The following WDFY3 variants were observed in gnomAD, a reference collection of about 807,000 sequenced individuals.
WDFY3 encodes the protein WD repeat and FYVE domain containing 3.
In WDFY3, 66 loss-of-function variants were observed where a neutral mutation model predicts 409.6. The observed-to-expected ratio is 0.16, with a 90% CI of 0.13 to 0.20. WDFY3 has a LOEUF of 0.20. Among genes scored for constraint, WDFY3 ranks in the 10% least tolerant of loss-of-function variants. The pLI, the probability that WDFY3 is intolerant of heterozygous loss-of-function variation, is 1.00. For synonymous variants in WDFY3, 1,521 were observed against 1,537.1 expected (o/e 0.99, Z 0.25); for missense variants, 3,031 against 4,298.1 (o/e 0.71, Z 8.24).
chr4:84,960,215 C>CAAGT (rs1774738774), intron 1 of WDFY3, among the ~76,000 whole-genome samples: 1 of 152,098 alleles, frequency 6.6e-6, no homozygotes, highest in Non-Finnish European at 1.5e-5. Flanking sequence ...CTCTGGATAA[C>CAAGT]TGCACATTCT....
intron 27 of WDFY3, among the ~76,000 whole-genome samples, chr4:84,778,159 C>A (rs902574380): frequency 4.6e-5 from 7 of 151,956 alleles, no homozygotes; most frequent in African/African-American, 1.7e-4. Context: ...GCAGCTGTAA[C>A]CAAAATTAGA....
At chr4:84,935,497 T>C (rs1771298668) in intron 1 of WDFY3, among the ~76,000 whole-genome samples, 2 of 152,202 alleles carry the variant, frequency 1.3e-5, no homozygotes, top group Non-Finnish European at 1.5e-5. Flanking sequence ...TATCTCATAT[T>C]TTCTCTCGTA....
At chr4:84,882,336 G>T (rs998854977) in intron 3 of WDFY3, among the ~76,000 whole-genome samples, 1 of 152,106 alleles carries the variant, frequency 6.6e-6, no homozygotes, top group African/African-American at 2.4e-5. Flanking sequence ...AGATGAATCT[G>T]GCGTGAGGTC....
intron 53 of WDFY3, 24 bp downstream of exon 53, chr4:84,708,885 T>G: frequency 6.2e-7 from 1 of 1,609,254 alleles, no homozygotes; most frequent in Non-Finnish European, 8.5e-7. Flanking sequence ...GTGTTCTACG[T>G]AAGCAAAATG....
chr4:84,887,003 G>C (rs1280894687), intron 3 of WDFY3, among the ~76,000 whole-genome samples: 1 of 148,872 alleles, frequency 6.7e-6, no homozygotes, highest in African/African-American at 2.6e-5. Flanking sequence ...CATTAATAAT[G>C]TATAAAACAT....
At chr4:84,921,644 T>TC in intron 2 of WDFY3, among the ~76,000 whole-genome samples, 1 of 145,968 alleles carries the variant, frequency 6.9e-6, no homozygotes, top group Non-Finnish European at 1.5e-5. Flanking sequence ...TCTATTGCTT[T>TC]CATTTTTTTT....
chr4:84,704,217 A>T, intron 55 of WDFY3, 121 bp downstream of exon 55: 1 of 681,586 alleles, frequency 1.5e-6, no homozygotes, highest in Non-Finnish European at 2.3e-6. Context: ...TTATGTAACT[A>T]CTTTGTCACT....
intron 2 of WDFY3, among the ~76,000 whole-genome samples, chr4:84,908,332 A>G (rs1767319753): frequency 6.6e-6 from 1 of 152,234 alleles, no homozygotes; most frequent in African/African-American, 2.4e-5. Flanking sequence ...GTAGAAAGAT[A>G]GAACTTTATG....
At chr4:84,823,192 T>A (rs921630936) in intron 10 of WDFY3, among the ~76,000 whole-genome samples, 1 of 152,160 alleles carries the variant, frequency 6.6e-6, no homozygotes, top group African/African-American at 2.4e-5. Context: ...CTCAGATATA[T>A]GTAGTCATAT....
chr4:84,720,306 A>C (rs1734641594), intron 47 of WDFY3, among the ~76,000 whole-genome samples: 1 of 152,222 alleles, frequency 6.6e-6, no homozygotes, highest in African/African-American at 2.4e-5. Flanking sequence ...AAAGAGTCAA[A>C]AAAAGCTTCC....
intron 51 of WDFY3, among the ~76,000 whole-genome samples, chr4:84,711,859 A>C (rs1387486566): frequency 6.6e-6 from 1 of 152,026 alleles, no homozygotes; most frequent in East Asian, 1.9e-4. Flanking sequence ...TCAAAAAAAA[A>C]AAATAATAAT....
intron 2 of WDFY3, among the ~76,000 whole-genome samples, chr4:84,920,000 T>C (rs941572026): frequency 6.6e-6 from 1 of 152,090 alleles, no homozygotes; most frequent in Non-Finnish European, 1.5e-5. Flanking sequence ...CAGGAATGTA[T>C]AACCTAAAAT....
At chr4:84,807,738 G>C (rs890602083) in intron 15 of WDFY3, among the ~76,000 whole-genome samples, 5 of 152,132 alleles carry the variant, frequency 3.3e-5, no homozygotes, top group Admixed American at 6.5e-5. Context: ...AGATCAACTA[G>C]ATCAGCTTAG....
At chr4:84,882,944 C>G (rs573550145) in intron 3 of WDFY3, among the ~76,000 whole-genome samples, 1 of 152,008 alleles carries the variant, frequency 6.6e-6, no homozygotes, top group Non-Finnish European at 1.5e-5. Flanking sequence ...TGGGCTAGAG[C>G]GATCCTCCCA....
chr4:84,710,854 A>C (rs943122866), intron 51 of WDFY3, among the ~76,000 whole-genome samples: 2 of 152,236 alleles, frequency 1.3e-5, no homozygotes, highest in Admixed American at 6.5e-5. Flanking sequence ...TTTTAAGGAA[A>C]TCTTTCACTT....
At chr4:84,825,759 A>G (rs151191351) in intron 10 of WDFY3, among the ~76,000 whole-genome samples, 66 of 152,246 alleles carry the variant, frequency 4.3e-4, no homozygotes, top group Non-Finnish European at 2.8e-4. Context: ...TGTATTATAA[A>G]TTTAAATAAC....
At chr4:84,910,654 GAGCTGAAACTATAA>G (rs1444072177) in intron 2 of WDFY3, among the ~76,000 whole-genome samples, 1 of 152,014 alleles carries the variant, frequency 6.6e-6, no homozygotes. Context: ...CTAAATTTAA[GAGCTGAAACTATAA>G]AGTTCTTACC....
chr4:84,908,250 GAAT>G (rs1246031084), intron 2 of WDFY3, among the ~76,000 whole-genome samples: 7 of 152,278 alleles, frequency 4.6e-5, no homozygotes, highest in South Asian at 2.1e-4. Context: ...AGTTTAGGTA[GAAT>G]GATGGCCTGA....
chr4:84,916,212 A>C (rs994993935), intron 2 of WDFY3, among the ~76,000 whole-genome samples: 2 of 152,184 alleles, frequency 1.3e-5, no homozygotes, highest in African/African-American at 4.8e-5. Flanking sequence ...GCAAAAGGTA[A>C]GTTCATCAGT....
Sources: allele counts gnomAD v4.1 joint callset (sites outside exome capture counted in the v4.1 genomes callset), GRCh38; gene constraint gnomAD v4.1.1; transcripts MANE v1.5; gene names NCBI Gene and HGNC (gene_info 2026-07-23, HGNC 2026-07-21).